Variants in AMN1 observed in about 807,000 individuals in gnomAD.
AMN1 encodes the protein antagonist of mitotic exit network 1 homolog.
AMN1 carries 20 observed loss-of-function variants against 33.0 expected under a neutral mutation model. That is an observed-to-expected ratio of 0.61 (90% CI 0.43 to 0.88). AMN1 has a LOEUF of 0.88. Among genes scored for constraint, AMN1 ranks in the 40% least tolerant of loss-of-function variants. The pLI is 0.00. For synonymous variants in AMN1, 114 were observed against 111.9 expected, an observed-to-expected ratio of 1.02 and a Z score of -0.12; for missense variants, 246 against 307.4, an observed-to-expected ratio of 0.80 and a Z score of 1.49.
Position 31,683,203 on chromosome 12 carries a change from T to C in AMN1, c.703+5804A>G, listed in dbSNP as rs1252141495. Among the ~76,000 whole-genome samples the C allele has an allele frequency of 9.2e-5, 14 of 152,196 alleles. No individual in the cohort carries two copies. The highest frequency in any genetic ancestry group is 1.5e-5 in the Non-Finnish European group (1 of 68,040). On this transcript the variant is annotated intron_variant, in intron 6 of 6. Coordinates refer to ENST00000281471, the MANE Select transcript of AMN1 (RefSeq NM_001113402.2). The surrounding 1 kb of genome is among the most constrained non-coding windows in gnomAD (Gnocchi z 4.1). Reference sequence around the variant, plus strand: ...GTCTCAAACTCCTAATCTCAAGTGATCTGCCTGCCTTGGCCTCCCAAAGTG... The same window carrying C: ...GTCTCAAACTCCTAATCTCAAGTGACCTGCCTGCCTTGGCCTCCCAAAGTG...
chr12:31,705,491 CAA>C (rs543799623), intron 2 of AMN1, among the ~76,000 whole-genome samples: 1 of 144,610 alleles, frequency 6.9e-6, no homozygotes, highest in Non-Finnish European at 1.5e-5. Context: ...GACCCTGTCT[CAA>C]AAAAAAAACA....
At chr12:31,677,395 C>T (rs952108332) in intron 6 of AMN1, among the ~76,000 whole-genome samples, 12 of 152,242 alleles carry the variant, frequency 7.9e-5, no homozygotes, top group African/African-American at 2.9e-4. Context: ...CTTGATGTCA[C>T]CTTCCTATTT....
chr12:31,714,547 T>A (rs895769400), intron 1 of AMN1: 2 of 152,252 alleles, frequency 1.3e-5, no homozygotes, highest in African/African-American at 4.8e-5. Context: ...AGGCCGGTCT[T>A]GAACTCCTGG....
In AMN1 at chr12:31,672,063, C is replaced by T. The variant is rs1951284381; in HGVS notation, c.*241G>A. ...AGATCAGAGTTCATGCTAGGATTAT[C>T]ATTTCAAAAATAATGACTCATCCAA... is the stretch of plus-strand genomic sequence containing the variant. On this transcript the variant is annotated 3_prime_UTR_variant, in exon 7 of 7. Coordinates refer to ENST00000281471, the MANE Select transcript of AMN1 (RefSeq NM_001113402.2). 1 of 391,926 alleles carries T rather than the reference C, an allele frequency of 2.6e-6. No individual in the cohort carries two copies. Among genetic ancestry groups the T allele is most frequent in the Non-Finnish European group, 4.6e-6 (1 of 217,396 alleles). 24.3% of individuals were successfully genotyped at this position (391,926 alleles called of 1,614,324 possible). A position where few individuals can be genotyped will look rare whatever the true frequency, so the allele number is the denominator to read the frequency against.
At chr12:31,726,672 AC>A (rs1940084428) in intron 1 of AMN1, among the ~76,000 whole-genome samples, 2 of 152,248 alleles carry the variant, frequency 1.3e-5, no homozygotes. Context: ...ACACTTAATT[AC>A]TAGTCTGGCT....
rs115896208 is a variant in AMN1 at position 31,728,869 on chromosome 12, G to C, written c.38+102C>G. 4,080 of 1,346,678 alleles carry C rather than the reference G, an allele frequency of 3.0e-3. 82 individuals are homozygous for C. In the African/African-American group the frequency reaches 0.049, roughly 16 times the overall value. 83.4% of individuals were successfully genotyped at this position (1,346,678 alleles called of 1,614,324 possible). ...CGCGGGGCCTCTTCAGAGGTCGGCG[G>C]GGGGGGTGGGAAAGGGGCGGGGAGG... On this transcript the variant is annotated intron_variant, in intron 1 of 6. Coordinates refer to ENST00000281471, the MANE Select transcript of AMN1 (RefSeq NM_001113402.2).
intron 1 of AMN1, chr12:31,714,816 T>C: frequency 1.5e-6 from 1 of 662,400 alleles, no homozygotes; most frequent in African/African-American, 2.0e-5. Context: ...ATGCTGGTTA[T>C]TTCCATTGAC....
chr12:31,702,230 G>A (rs1360284096), intron 2 of AMN1, among the ~76,000 whole-genome samples: 1 of 152,094 alleles, frequency 6.6e-6, no homozygotes, highest in Non-Finnish European at 1.5e-5. Flanking sequence ...GTCCTTCTTG[G>A]GACACAAAGC....
intron 6 of AMN1, among the ~76,000 whole-genome samples, chr12:31,677,781 C>G (rs1257114223): frequency 6.6e-6 from 1 of 152,138 alleles, no homozygotes. Flanking sequence ...TTCCTCTTCC[C>G]CAAGGTGGGT....
At chr12:31,724,401 A>G (rs1382053751) in intron 1 of AMN1, among the ~76,000 whole-genome samples, 1 of 152,218 alleles carries the variant, frequency 6.6e-6, no homozygotes, top group African/African-American at 2.4e-5. Flanking sequence ...GACAGCATGG[A>G]TATGCTGAAC....
chr12:31,678,837 T>A (rs568196966), intron 6 of AMN1, among the ~76,000 whole-genome samples: 172 of 152,346 alleles, frequency 1.1e-3, no homozygotes, highest in Non-Finnish European at 1.9e-3. Flanking sequence ...TAATGTTTCA[T>A]TACAGTGATC....
intron 2 of AMN1, among the ~76,000 whole-genome samples, chr12:31,703,167 C>T (rs1217916756): frequency 2.6e-5 from 4 of 152,150 alleles, no homozygotes; most frequent in African/African-American, 9.7e-5. Flanking sequence ...AAGTAGCCAA[C>T]ATAAAGAACA....
At chr12:31,728,680 C>T (rs573688738) in intron 1 of AMN1, among the ~76,000 whole-genome samples, 1 of 152,338 alleles carries the variant, frequency 6.6e-6, no homozygotes, top group East Asian at 1.9e-4. Context: ...AAGAGAGAGG[C>T]CACTGCCAGT....
chr12:31,709,504 C>T, intron 1 of AMN1, 79 bp from the exon 2 acceptor site: 8 of 1,488,954 alleles, frequency 5.4e-6, no homozygotes, highest in Non-Finnish European at 7.2e-6. Flanking sequence ...TATTTGTTAG[C>T]ACTTAGCCCT....
chr12:31,691,073 G>A (rs889499823), intron 5 of AMN1, among the ~76,000 whole-genome samples: 1 of 151,266 alleles, frequency 6.6e-6, no homozygotes, highest in Admixed American at 6.6e-5. Flanking sequence ...GGGAGATGGA[G>A]GTTGCAGTGA....
chr12:31,678,062 A>C (rs1409402024), intron 6 of AMN1, among the ~76,000 whole-genome samples: 1 of 152,152 alleles, frequency 6.6e-6, no homozygotes, highest in Non-Finnish European at 1.5e-5. Context: ...TTCCAGTCAC[A>C]TCTCTACATG....
intron 1 of AMN1, among the ~76,000 whole-genome samples, chr12:31,709,984 CCAA>C (rs1463348331): frequency 6.6e-6 from 1 of 152,118 alleles, no homozygotes; most frequent in Admixed American, 6.5e-5. Flanking sequence ...TTTTAAATGA[CCAA>C]CAAGAATGTT....
At chr12:31,682,608 G>A (rs1433357138) in intron 6 of AMN1, among the ~76,000 whole-genome samples, 1 of 152,130 alleles carries the variant, frequency 6.6e-6, no homozygotes, top group African/African-American at 2.4e-5. Context: ...GATAGTAGAC[G>A]TTGAGTGTAG....
At chr12:31,709,509 A>T in intron 1 of AMN1, 84 bp from the exon 2 acceptor site, 1 of 1,481,582 alleles carries the variant, frequency 6.7e-7, no homozygotes, top group Middle Eastern at 2.3e-4. Flanking sequence ...GTTAGCACTT[A>T]GCCCTTTCAT....
Sources: allele counts gnomAD v4.1 joint callset (sites outside exome capture counted in the v4.1 genomes callset), GRCh38; gene constraint gnomAD v4.1.1; non-coding constraint Gnocchi (gnomAD v3.1); transcripts MANE v1.5; gene names NCBI Gene and HGNC (gene_info 2026-07-23, HGNC 2026-07-21).